The following RPS6KC1 variants were observed in gnomAD, a reference collection of about 807,000 sequenced individuals.
The protein encoded by RPS6KC1 is ribosomal protein S6 kinase C1.
A neutral mutation model predicts 103.8 loss-of-function variants in RPS6KC1; 54 were observed. That is an observed-to-expected ratio of 0.52 (90% confidence interval 0.42 to 0.65). The LOEUF is 0.65. Among genes scored for constraint, RPS6KC1 ranks in the 30% least tolerant of loss-of-function variants. The pLI, the probability that RPS6KC1 is intolerant of heterozygous loss-of-function variation, is 0.00. For synonymous variants in RPS6KC1, 439 were observed against 438.7 expected (o/e 1.00, Z -0.01); for missense variants, 1,151 against 1,253.8 (o/e 0.92, Z 1.24).
intron 1 of RPS6KC1, among the ~76,000 whole-genome samples, chr1:213,059,992 A>G (rs1207932863): frequency 6.6e-6 from 1 of 151,736 alleles, no homozygotes; most frequent in Non-Finnish European, 1.5e-5. Context: ...ATTTTTTTGT[A>G]TTTTTAGTTG....
chr1:213,190,172 G>C (rs771477667), intron 8 of RPS6KC1, among the ~76,000 whole-genome samples: 3 of 152,092 alleles, frequency 2.0e-5, no homozygotes, highest in Non-Finnish European at 2.9e-5. Context: ...ATATACCTAA[G>C]AGTGGGATTG....
At chr1:213,186,889 T>G (rs118043639) in intron 8 of RPS6KC1, among the ~76,000 whole-genome samples, 1 of 152,326 alleles carries the variant, frequency 6.6e-6, no homozygotes, top group East Asian at 1.9e-4. Flanking sequence ...CAAATGTGTT[T>G]CTCAGTTCGA....
intron 8 of RPS6KC1, among the ~76,000 whole-genome samples, chr1:213,187,231 A>T (rs900742615): frequency 1.5e-4 from 22 of 150,472 alleles, no homozygotes; most frequent in Admixed American, 1.2e-3. Flanking sequence ...TCTTTTTTTT[A>T]AATTTTTTTC....
the RPS6KC1 span, among the ~76,000 whole-genome samples, chr1:213,796,538 G>A: frequency 3.3e-5 from 5 of 152,154 alleles, no homozygotes; most frequent in Non-Finnish European, 5.9e-5. Context: ...TACTTGGTTT[G>A]TGAAATATTC....
intron 8 of RPS6KC1, among the ~76,000 whole-genome samples, chr1:213,224,944 C>T (rs1426073221): frequency 2.0e-5 from 3 of 152,174 alleles, no homozygotes; most frequent in Admixed American, 6.5e-5. Context: ...TAAATGCAGT[C>T]GTTTCTCTTT....
chr1:213,571,109 C>T, the RPS6KC1 span, among the ~76,000 whole-genome samples: 3 of 152,146 alleles, frequency 2.0e-5, no homozygotes, highest in Non-Finnish European at 4.4e-5. Flanking sequence ...TTGCTTTTGC[C>T]TGTACAGATG....
At chr1:213,714,987 G>C in the RPS6KC1 span, among the ~76,000 whole-genome samples, 567 of 152,292 alleles carry the variant, frequency 3.7e-3, 2 homozygotes, top group African/African-American at 0.013. Context: ...GCCAATCAAA[G>C]TCAGCAGGTG....
the RPS6KC1 span, among the ~76,000 whole-genome samples, chr1:213,299,978 T>G: frequency 6.6e-6 from 1 of 152,110 alleles, no homozygotes; most frequent in Admixed American, 6.5e-5. Flanking sequence ...CTAATTTTTT[T>G]GTATTTTTAG....
the RPS6KC1 span, among the ~76,000 whole-genome samples, chr1:213,646,253 A>G: frequency 1.3e-5 from 2 of 152,174 alleles, no homozygotes; most frequent in Non-Finnish European, 2.9e-5. Context: ...TTGTAACAAA[A>G]AGGAATAATA....
At chr1:213,462,097 G>A in the RPS6KC1 span, among the ~76,000 whole-genome samples, 1 of 152,246 alleles carries the variant, frequency 6.6e-6, no homozygotes, top group African/African-American at 2.4e-5. Context: ...CAAAAAGTGG[G>A]CAAAGGATAT....
At chr1:213,678,331 G>A in the RPS6KC1 span, among the ~76,000 whole-genome samples, 2 of 152,226 alleles carry the variant, frequency 1.3e-5, no homozygotes, top group Non-Finnish European at 2.9e-5. Flanking sequence ...TGGCCCAAGG[G>A]CCATGAATTA....
At chr1:213,685,408 A>G in the RPS6KC1 span, among the ~76,000 whole-genome samples, 1 of 152,174 alleles carries the variant, frequency 6.6e-6, no homozygotes, top group African/African-American at 2.4e-5. Flanking sequence ...AGGCGAGAGG[A>G]TCACTTGAGG....
At chr1:213,659,983 T>A in the RPS6KC1 span, among the ~76,000 whole-genome samples, 22 of 152,148 alleles carry the variant, frequency 1.4e-4, no homozygotes, top group African/African-American at 4.6e-4. Flanking sequence ...TCAGGAAAAA[T>A]TTCACATGGG....
Position 213,151,878 on chromosome 1 carries a change from G to A in RPS6KC1, c.836-15980G>A, listed in dbSNP as rs866412502. On this transcript the variant is annotated intron_variant, in intron 6 of 14. Transcript: ENST00000366960. ...GACGGGGCGGCTGGCCGGGCGGGGGGCTGATCCCCCAACCTCCCTCCAAGA... is the reference window on the plus strand; with the variant it reads ...GACGGGGCGGCTGGCCGGGCGGGGGACTGATCCCCCAACCTCCCTCCAAGA... 2.5e-3 allele frequency among the ~76,000 whole-genome samples: 311 copies of A among 122,372 alleles called. 2 individuals are homozygous for A. Among genetic ancestry groups the A allele is most frequent in the Non-Finnish European group, 4.7e-3 (265 of 56,774 alleles). The allele number at this position is 122,372 out of a possible 152,430, so 80.3% of individuals were successfully genotyped here. A position where few individuals can be genotyped will look rare whatever the true frequency, so the allele number is the denominator to read the frequency against.
the RPS6KC1 span, among the ~76,000 whole-genome samples, chr1:213,457,615 G>T: frequency 6.6e-6 from 1 of 152,314 alleles, no homozygotes; most frequent in Non-Finnish European, 1.5e-5. Context: ...TCCTAGGTAT[G>T]GTTCAAGTTA....
chr1:213,296,407 T>C, the RPS6KC1 span, among the ~76,000 whole-genome samples: 1 of 152,060 alleles, frequency 6.6e-6, no homozygotes, highest in Non-Finnish European at 1.5e-5. Context: ...CAAGTACTAG[T>C]TGGGGGCAGG....
At chr1:213,267,176 G>A (rs1306159593) in intron 14 of RPS6KC1, among the ~76,000 whole-genome samples, 5 of 151,860 alleles carry the variant, frequency 3.3e-5, no homozygotes, top group Admixed American at 1.3e-4. Context: ...TCTGCTATGC[G>A]TTGGCAGAGA....
At chr1:213,569,416 G>A in the RPS6KC1 span, among the ~76,000 whole-genome samples, 1 of 152,092 alleles carries the variant, frequency 6.6e-6, no homozygotes, top group Non-Finnish European at 1.5e-5. Context: ...TGCTTTTAAA[G>A]GCCTCTCCTA....
the RPS6KC1 span, among the ~76,000 whole-genome samples, chr1:213,280,636 T>C: frequency 2.0e-5 from 3 of 152,188 alleles, no homozygotes; most frequent in African/African-American, 7.2e-5. Flanking sequence ...GACTTCATAG[T>C]AGTAAAGTGA....
Sources: allele counts gnomAD v4.1 joint callset (sites outside exome capture counted in the v4.1 genomes callset), GRCh38; gene constraint gnomAD v4.1.1; transcripts MANE v1.5; gene names NCBI Gene and HGNC (gene_info 2026-07-23, HGNC 2026-07-21).